DNMT3L: variants seen among roughly 807,000 people sequenced by gnomAD.
DNMT3L encodes DNA methyltransferase 3 like, also known as DNA (cytosine-5)-methyltransferase 3-like.
A neutral mutation model predicts 36.2 loss-of-function variants in DNMT3L; 33 were observed. The ratio of observed to expected loss-of-function variants is 0.91; its 90% CI spans 0.69 to 1.22. The LOEUF (loss-of-function observed/expected upper bound fraction) is 1.22. DNMT3L is among the 50% of genes most tolerant of loss of function. DNMT3L has a pLI of 0.00. For synonymous variants in DNMT3L, 117 were observed against 121.7 expected (o/e 0.96, Z 0.26); for missense variants, 310 against 303.1 (o/e 1.02, Z -0.17).
At position 44,254,695 on chromosome 21, in the gene DNMT3L, A is replaced by T; in HGVS notation, c.615T>A (p.Ser205Arg). 6.2e-7 allele frequency: 1 copy of T among 1,613,582 alleles called. No individual in the cohort carries two copies. The highest frequency in any genetic ancestry group is 1.3e-5 in the African/African-American group (1 of 74,962). Residue 205 changes from serine (S) to arginine (R), a missense_variant, in exon 8 of 12, where the codon AGT (serine) becomes AGA (arginine). By Grantham distance (110) the Ser-to-Arg change is moderately radical (BLOSUM62 -1). Transcript: ENST00000628202. ...CAGAACCACTTTCCAAAAAGCCCAA[A>T]CTCGTCAGCTCTGGATGGGGAGAGA... ...LFEDIKKELT[S>R]LGFLESGSDP...
chr21:44,261,288 C>T, intron 1 of DNMT3L, 22 bp from the exon 2 acceptor site: 1 of 1,607,992 alleles, frequency 6.2e-7, no homozygotes, highest in Non-Finnish European at 8.5e-7. Context: ...CACACGGACA[C>T]AGATGTGAGA....
At chr21:44,261,098 C>T in intron 2 of DNMT3L, 56 bp downstream of exon 2, 2 of 1,587,304 alleles carry the variant, frequency 1.3e-6, no homozygotes, top group South Asian at 2.2e-5. Context: ...CAGACCTCAT[C>T]CAGGCCTGGG....
chr21:44,255,991 CG>C, intron 7 of DNMT3L, 75 bp downstream of exon 7: 5 of 1,461,438 alleles, frequency 3.4e-6, no homozygotes, highest in Non-Finnish European at 3.7e-6. Flanking sequence ...TGGGGAGTCC[CG>C]GGGGGTGGCC....
In DNMT3L at chr21:44,258,472, G is replaced by A. The variant is rs944093430; in HGVS notation, c.516+51C>T. On this transcript the variant is annotated intron_variant, in intron 6 of 11. Transcript: ENST00000628202. The surrounding 1 kb of genome is among the most constrained non-coding windows in gnomAD (Gnocchi z 6.2). ...CTGCAGCGGGAACCGAGGGAAGGCC[G>A]TAAGTCAGGGCCTGCTGCTGCCGGG... is the stretch of plus-strand genomic sequence containing the variant. 2.7e-5 allele frequency: 41 copies of A among 1,495,138 alleles called. No individual in the cohort carries two copies. Among genetic ancestry groups the A allele is most frequent in the African/African-American group, 7.0e-5 (5 of 71,580 alleles). The allele number at this position is 1,495,138 out of a possible 1,614,324, so 92.6% of individuals were successfully genotyped here.
At chr21:44,257,543 T>C (rs2040269938) in intron 6 of DNMT3L, among the ~76,000 whole-genome samples, 1 of 149,752 alleles carries the variant, frequency 6.7e-6, no homozygotes. Context: ...TAGCCGGGCG[T>C]AGTGGCGGGC....
intron 6 of DNMT3L, 86 bp from the exon 7 acceptor site, chr21:44,256,240 T>C (rs981045401): frequency 7.2e-7 from 1 of 1,380,494 alleles, no homozygotes; most frequent in East Asian, 2.3e-5. Context: ...CTTCCCTGGA[T>C]GAACACTCAC....
In DNMT3L at chr21:44,256,128, G is replaced by A. The variant is rs376070394; in HGVS notation, c.543C>T (p.Thr181=). The change falls in exon 7 of 12, where the codon ACC becomes ACT. Residue 181 remains threonine, a synonymous_variant. Coordinates refer to ENST00000628202, the MANE Select transcript of DNMT3L (RefSeq NM_175867.3). ...ESENPLEMFE[T]VPVWRRQPVR... ...CTGGCTGTCTCCTCCACACAGGCAC[G>A]GTTTCGAACATCTCAAGGGGATTCT... The A allele has an allele frequency of 4.3e-5, 69 of 1,613,916 alleles. No individual in the cohort carries two copies. Among genetic ancestry groups the A allele is most frequent in the African/African-American group, 3.5e-4 (26 of 75,024 alleles).
At chr21:44,255,979 G>T in intron 7 of DNMT3L, 88 bp downstream of exon 7, 1 of 1,366,862 alleles carries the variant, frequency 7.3e-7, no homozygotes, top group South Asian at 1.2e-5. Flanking sequence ...TAGGGGAGGG[G>T]GTGGGGAGTC....
chr21:44,256,912 C>A (rs533615212), intron 6 of DNMT3L, among the ~76,000 whole-genome samples: 33 of 152,338 alleles, frequency 2.2e-4, no homozygotes, highest in Middle Eastern at 3.4e-3. Flanking sequence ...CGAATTGGAG[C>A]AGGCTGAAGC....
In DNMT3L at chr21:44,258,824, G is replaced by T. The variant is rs2040288239; in HGVS notation, c.345-130C>A. The T allele has an allele frequency of 2.3e-6, 3 of 1,286,162 alleles. No individual in the cohort carries two copies. The East Asian group carries it at 7.7e-5, about 33-fold the overall frequency. 79.7% of individuals were successfully genotyped at this position (1,286,162 alleles called of 1,614,324 possible). A position where few individuals can be genotyped will look rare whatever the true frequency, so the allele number is the denominator to read the frequency against. ...CTGGAGCTCCCTTTGGGAAGACCAG[G>T]TGGTGGACTGGGAAGAGGGAGACGG... On this transcript the variant is annotated intron_variant, in intron 5 of 11. Coordinates refer to ENST00000628202, the MANE Select transcript of DNMT3L (RefSeq NM_175867.3). The surrounding 1 kb of genome is among the most constrained non-coding windows in gnomAD (Gnocchi z 6.2).
intron 6 of DNMT3L, among the ~76,000 whole-genome samples, chr21:44,257,191 C>G (rs1205035194): frequency 2.6e-5 from 4 of 151,926 alleles, no homozygotes; most frequent in Admixed American, 2.6e-4. Flanking sequence ...ACCAGCCTGG[C>G]CAACATGGTG....
chr21:44,261,026 G>T, intron 2 of DNMT3L, 128 bp downstream of exon 2: 1 of 1,381,192 alleles, frequency 7.2e-7, no homozygotes, highest in Non-Finnish European at 1.0e-6. Context: ...TGTGGGTGGG[G>T]AACCTCCTGC....
intron 6 of DNMT3L, among the ~76,000 whole-genome samples, chr21:44,257,693 A>AAAT (rs1568916313): frequency 1.1e-4 from 10 of 91,936 alleles, no homozygotes; most frequent in South Asian, 2.9e-4. Context: ...AAAAAAAAAA[A>AAAT]AAATAAATAA....
intron 7 of DNMT3L, among the ~76,000 whole-genome samples, chr21:44,255,504 T>A (rs60383775): frequency 1.5e-5 from 1 of 66,060 alleles, no homozygotes; most frequent in Non-Finnish European, 3.1e-5. Flanking sequence ...AGACTCCGCC[T>A]CAAAAAAAAA....
At chr21:44,259,088 AGGAGCCCACGGAG>A (rs1267429934) in intron 5 of DNMT3L, among the ~76,000 whole-genome samples, 1 of 152,082 alleles carries the variant, frequency 6.6e-6, no homozygotes, top group African/African-American at 2.4e-5. Context: ...GACCGAGGAG[AGGAGCCCACGGAG>A]GGAGCCGAGG....
chr21:44,254,577 G>A (rs370272598), intron 8 of DNMT3L, 40 bp downstream of exon 8: 283 of 1,602,840 alleles, frequency 1.8e-4, no homozygotes, highest in Middle Eastern at 3.3e-4. Flanking sequence ...TCGCACCCCC[G>A]CTCCCACTAC....
rs201320726 is a variant in DNMT3L at position 44,260,806 on chromosome 21, C to T, written c.140G>A (p.Arg47Gln). The change falls in exon 3 of 12, where the codon CGA becomes CAA. Residue 47 changes from arginine (R) to glutamine (Q), a missense_variant. Coordinates refer to ENST00000628202, the MANE Select transcript of DNMT3L (RefSeq NM_175867.3). Reference protein sequence around the residue: ...LIAYEVKANQRNIEDICICCG... With the variant: ...LIAYEVKANQQNIEDICICCG... ...ATGCAAACACTCACCTTCTATATTT[C>T]GCTGGTTAGCCTTGACTTCATATGC... 2.0e-5 allele frequency: 32 copies of T among 1,613,172 alleles called. No homozygotes were observed. The highest frequency in any genetic ancestry group is 1.2e-4 in the South Asian group (11 of 91,062).
Position 44,258,523 on chromosome 21 carries a change from C to A in DNMT3L, c.516G>T (p.Ser172=), listed in dbSNP as rs372192557. Residue 172 remains serine, a splice_region_variant and synonymous_variant, in exon 6 of 12, where the codon TCG becomes TCT. Transcript: ENST00000628202. The surrounding 1 kb of genome is among the most constrained non-coding windows in gnomAD (Gnocchi z 6.2). ...TGCTGCCCCTCCACGGGCTCCTTAC[C>A]GACTCTCGGTCGTAGAAGGCCTTGA... ...SQLKAFYDRE[S]ENPLEMFETV... 6.4e-7 allele frequency: 1 copy of A among 1,559,926 alleles called. No individual in the cohort carries two copies. The highest frequency in any genetic ancestry group is 1.9e-5 in the Admixed American group (1 of 52,550).
chr21:44,255,871 G>C (rs562559144), intron 7 of DNMT3L, among the ~76,000 whole-genome samples, 196 bp downstream of exon 7: 16 of 152,142 alleles, frequency 1.1e-4, no homozygotes, highest in Non-Finnish European at 2.1e-4. Flanking sequence ...CTGTGCCTGC[G>C]GGGCCCAGAA....
Sources: allele counts gnomAD v4.1 joint callset (sites outside exome capture counted in the v4.1 genomes callset), GRCh38; gene constraint gnomAD v4.1.1; non-coding constraint Gnocchi (gnomAD v3.1); transcripts MANE v1.5; gene names NCBI Gene and HGNC (gene_info 2026-07-23, HGNC 2026-07-21).